The following CYYR1 variants were observed in gnomAD, a reference collection of about 807,000 sequenced individuals.
CYYR1 encodes the protein cysteine and tyrosine rich 1.
CYYR1 carries 14 observed loss-of-function variants against 15.2 expected under a neutral mutation model. That is an observed-to-expected ratio of 0.92 (90% CI 0.61 to 1.44). CYYR1 has a LOEUF of 1.44. CYYR1 is among the 40% of genes most tolerant of loss of function. The pLI is 0.00. For missense variants in CYYR1, 228 were observed against 209.5 expected, an observed-to-expected ratio of 1.09 and a Z score of -0.54; for synonymous variants, 80 against 77.4, an observed-to-expected ratio of 1.03 and a Z score of -0.18.
At chr21:26,555,353 T>TAA (rs947539627) in intron 2 of CYYR1, among the ~76,000 whole-genome samples, 1 of 152,054 alleles carries the variant, frequency 6.6e-6, no homozygotes, top group African/African-American at 2.4e-5. Flanking sequence ...GATGTTTGTT[T>TAA]AAAAAAAATG....
chr21:26,553,186 G>C (rs974975415), intron 2 of CYYR1, among the ~76,000 whole-genome samples: 4 of 152,062 alleles, frequency 2.6e-5, no homozygotes, highest in African/African-American at 9.7e-5. Flanking sequence ...GGCCTCTAAG[G>C]TTTCTGATGA....
chr21:26,467,185 C>T lies in CYYR1; in HGVS notation c.*1316G>A, dbSNP rs1226447833. The T allele has an allele frequency of 6.6e-6, 1 of 151,942 alleles. No homozygotes were observed. The highest frequency in any genetic ancestry group is 1.5e-5 in the Non-Finnish European group (1 of 67,968). 9.4% of individuals were successfully genotyped at this position (151,942 alleles called of 1,614,324 possible). On this transcript the variant is annotated 3_prime_UTR_variant, in exon 4 of 4. Transcript: ENST00000652641. ...ACACAAAAATCTAATCATCTATTTC[C>T]AATGTTCAATATACAATTTTTATAA... is the stretch of plus-strand genomic sequence containing the variant.
intron 2 of CYYR1, among the ~76,000 whole-genome samples, chr21:26,565,862 TA>T (rs1195557805): frequency 6.4e-4 from 97 of 152,322 alleles, no homozygotes; most frequent in African/African-American, 2.3e-3. Context: ...CTGGATGTAT[TA>T]AATTAATACA....
At chr21:26,553,980 C>T (rs1979585698) in intron 2 of CYYR1, among the ~76,000 whole-genome samples, 1 of 152,196 alleles carries the variant, frequency 6.6e-6, no homozygotes, top group Non-Finnish European at 1.5e-5. Flanking sequence ...TTTGCTTCCA[C>T]TGAAAATACA....
chr21:26,470,321 G>T lies in CYYR1; in HGVS notation c.335-1687C>A, dbSNP rs73365109. The stretch of plus-strand genomic sequence containing the variant: ...TGATAAACAGACATAGACATACATA[G>T]GGCTTCCACTGATATGCAGAAAAAA... On this transcript the variant is annotated intron_variant, in intron 3 of 3. Coordinates refer to ENST00000652641, the MANE Select transcript of CYYR1 (RefSeq NM_001320768.2). Among the ~76,000 whole-genome samples the T allele has an allele frequency of 5.8e-3, 881 of 152,170 alleles. 8 individuals are homozygous for T. Among genetic ancestry groups the T allele is most frequent in the African/African-American group, 0.021 (854 of 41,506 alleles).
chr21:26,542,396 A>G (rs1978637473), intron 2 of CYYR1, among the ~76,000 whole-genome samples: 1 of 152,020 alleles, frequency 6.6e-6, no homozygotes, highest in South Asian at 2.1e-4. Context: ...ATTTCACCTT[A>G]CAAGAGACCT....
In CYYR1 at chr21:26,545,630, C is replaced by T. The variant is rs561118434; in HGVS notation, c.176+20636G>A. Among the ~76,000 whole-genome samples, 10 of 116,974 alleles carry T rather than the reference C, an allele frequency of 8.5e-5. No homozygotes were observed. The South Asian group carries it at 1.8e-3, about 21-fold the overall frequency. 76.7% of individuals were successfully genotyped at this position (116,974 alleles called of 152,430 possible). A position where few individuals can be genotyped will look rare whatever the true frequency, so the allele number is the denominator to read the frequency against. On this transcript the variant is annotated intron_variant, in intron 2 of 3. Transcript: ENST00000652641. ...TCGCCCAGGCTGGAGTTCAGTGGTG[C>T]GATCTCGGCTCACTGCAAGCTCCGC...
intron 3 of CYYR1, chr21:26,471,122 C>A (rs2065028137): frequency 6.6e-6 from 1 of 152,124 alleles, no homozygotes; most frequent in Non-Finnish European, 1.5e-5. Context: ...TATACCCACG[C>A]CTCGACTTCA....
rs1386244986 is a variant in CYYR1 at position 26,466,451 on chromosome 21, A to T, written c.*2050T>A. The T allele has an allele frequency of 6.6e-6, 1 of 152,210 alleles. No homozygotes were observed. Among genetic ancestry groups the T allele is most frequent in the Non-Finnish European group, 1.5e-5 (1 of 68,032 alleles). 9.4% of individuals were successfully genotyped at this position (152,210 alleles called of 1,614,324 possible). A position where few individuals can be genotyped will look rare whatever the true frequency, so the allele number is the denominator to read the frequency against. ...AAAAATACTCATCTATTGTAGGCTT[A>T]TGGGTTTGTAAAATGCCTTAAGGGA... On this transcript the variant is annotated 3_prime_UTR_variant, in exon 4 of 4. Transcript: ENST00000652641.
chr21:26,532,920 T>A (rs2065950486), intron 2 of CYYR1, among the ~76,000 whole-genome samples: 2 of 152,148 alleles, frequency 1.3e-5, no homozygotes, highest in Non-Finnish European at 2.9e-5. Flanking sequence ...ATTATCTTTA[T>A]GTTATGTTTA....
At chr21:26,471,839 A>G (rs986639410) in intron 3 of CYYR1, 1 of 152,128 alleles carries the variant, frequency 6.6e-6, no homozygotes, top group African/African-American at 2.4e-5. Flanking sequence ...CAATATTCTA[A>G]TCTCCTATTT....
intron 2 of CYYR1, among the ~76,000 whole-genome samples, chr21:26,481,790 A>C (rs2065184891): frequency 6.6e-6 from 1 of 151,988 alleles, no homozygotes; most frequent in Admixed American, 6.6e-5. Flanking sequence ...TTCAATACTT[A>C]CTAGTATTGA....
chr21:26,501,291 TG>T (rs2065478877), intron 2 of CYYR1, among the ~76,000 whole-genome samples: 1 of 152,180 alleles, frequency 6.6e-6, no homozygotes, highest in Admixed American at 6.5e-5. Flanking sequence ...GAGCCGAGAT[TG>T]CACCACTGCA....
intron 2 of CYYR1, among the ~76,000 whole-genome samples, chr21:26,554,905 C>A (rs1278414233): frequency 6.6e-6 from 1 of 152,022 alleles, no homozygotes; most frequent in Admixed American, 6.6e-5. Flanking sequence ...AGCTTAAAAC[C>A]CAGATGTTTT....
intron 1 of CYYR1, among the ~76,000 whole-genome samples, chr21:26,569,596 A>C (rs1250487761): frequency 6.6e-6 from 1 of 152,198 alleles, no homozygotes; most frequent in Non-Finnish European, 1.5e-5. Context: ...AAAATTAAAG[A>C]AGTTGAAATT....
intron 2 of CYYR1, among the ~76,000 whole-genome samples, chr21:26,552,554 T>G (rs1385971826): frequency 6.6e-6 from 1 of 152,098 alleles, no homozygotes; most frequent in Non-Finnish European, 1.5e-5. Flanking sequence ...TTCCTTTGAC[T>G]CCCCTTTTCT....
At chr21:26,523,954 G>C (rs993592951) in intron 2 of CYYR1, among the ~76,000 whole-genome samples, 1 of 152,188 alleles carries the variant, frequency 6.6e-6, no homozygotes, top group Non-Finnish European at 1.5e-5. Flanking sequence ...TCAGAGTTTT[G>C]ATAAATTTGT....
intron 2 of CYYR1, among the ~76,000 whole-genome samples, chr21:26,534,055 A>C (rs1383830485): frequency 6.6e-6 from 1 of 152,180 alleles, no homozygotes; most frequent in South Asian, 2.1e-4. Flanking sequence ...TTAGCAGTTC[A>C]TTCAAATCAG....
At chr21:26,471,563 G>T (rs1723866967) in intron 3 of CYYR1, 1 of 152,110 alleles carries the variant, frequency 6.6e-6, no homozygotes, top group Non-Finnish European at 1.5e-5. Flanking sequence ...GTATTTTGAG[G>T]ACTACGCATC....
Sources: allele counts gnomAD v4.1 joint callset (sites outside exome capture counted in the v4.1 genomes callset), GRCh38; gene constraint gnomAD v4.1.1; transcripts MANE v1.5; gene names NCBI Gene and HGNC (gene_info 2026-07-23, HGNC 2026-07-21).